The following TEX9 variants were observed in gnomAD, a reference collection of about 807,000 sequenced individuals.
TEX9 encodes the protein testis-expressed protein 9.
TEX9 carries 74 observed loss-of-function variants against 59.6 expected under a neutral mutation model. The observed-to-expected ratio is 1.24, with a 90% confidence interval of 1.03 to 1.51. The LOEUF is 1.51. Ranked by LOEUF, TEX9 falls within the 40% of genes most tolerant of loss-of-function variation. The probability of loss-of-function intolerance (pLI) is 0.00; values close to 1 mark genes in which losing one functional copy is unlikely to be tolerated. For missense variants in TEX9, 522 were observed against 447.8 expected, an observed-to-expected ratio of 1.17 and a Z score of -1.49; for synonymous variants, 186 against 152.2, an observed-to-expected ratio of 1.22 and a Z score of -1.64.
chr15:56,303,304 A>G (rs2045404038), intron 1 of TEX9, among the ~76,000 whole-genome samples: 1 of 152,218 alleles, frequency 6.6e-6, no homozygotes, highest in African/African-American at 2.4e-5. Flanking sequence ...ACCATATGTT[A>G]GGCCACAAAA....
At chr15:56,406,121 A>G (rs574075931) in intron 9 of TEX9, among the ~76,000 whole-genome samples, 1 of 152,234 alleles carries the variant, frequency 6.6e-6, no homozygotes, top group East Asian at 1.9e-4. Flanking sequence ...CCAACCTCTA[A>G]CTATGGCACC....
chr15:56,356,259 G>A (rs1037314962), intron 1 of TEX9, among the ~76,000 whole-genome samples: 6 of 152,104 alleles, frequency 3.9e-5, no homozygotes, highest in Non-Finnish European at 8.8e-5. Context: ...AATGTTAGAT[G>A]TAGGGTTTTT....
chr15:56,424,319 T>C (rs1392075710), intron 10 of TEX9, among the ~76,000 whole-genome samples: 1 of 152,204 alleles, frequency 6.6e-6, no homozygotes, highest in African/African-American at 2.4e-5. Flanking sequence ...TGTGTTCTTT[T>C]GGTTACAAAA....
intron 10 of TEX9, among the ~76,000 whole-genome samples, chr15:56,418,066 G>A (rs534343631): frequency 6.6e-6 from 1 of 151,920 alleles, no homozygotes; most frequent in East Asian, 1.9e-4. Flanking sequence ...GAGCCTATGA[G>A]AGTCATTAAA....
At chr15:56,365,936 C>G in intron 2 of TEX9, 1 of 1,266,356 alleles carries the variant, frequency 7.9e-7, no homozygotes. Flanking sequence ...AAGTAAACAG[C>G]AAGATACTGT....
intron 1 of TEX9, among the ~76,000 whole-genome samples, chr15:56,296,928 A>T (rs1271287042): frequency 2.0e-5 from 3 of 152,136 alleles, no homozygotes; most frequent in Non-Finnish European, 2.9e-5. Context: ...TTGAACGTAG[A>T]TGTTAATCCA....
At chr15:56,353,504 A>G (rs2046625150) in intron 1 of TEX9, among the ~76,000 whole-genome samples, 1 of 152,216 alleles carries the variant, frequency 6.6e-6, no homozygotes, top group Non-Finnish European at 1.5e-5. Context: ...CAGCTTTCTG[A>G]GTTGTGAATA....
chr15:56,335,374 T>C (rs2046238723), intron 1 of TEX9, among the ~76,000 whole-genome samples: 1 of 152,122 alleles, frequency 6.6e-6, no homozygotes, highest in African/African-American at 2.4e-5. Flanking sequence ...TGGAGGTCAT[T>C]ATATTAAGTG....
At chr15:56,286,917 C>A (rs1596066460) in intron 1 of TEX9, among the ~76,000 whole-genome samples, 1 of 152,028 alleles carries the variant, frequency 6.6e-6, no homozygotes, top group East Asian at 1.9e-4. Flanking sequence ...TCTACTGAGG[C>A]AGAGGCAGAT....
intron 9 of TEX9, 83 bp from the exon 10 acceptor site, chr15:56,412,219 T>C: frequency 7.6e-7 from 1 of 1,310,266 alleles, no homozygotes; most frequent in Non-Finnish European, 1.0e-6. Flanking sequence ...GCAAGGAATA[T>C]GGATATGGAA....
intron 1 of TEX9, among the ~76,000 whole-genome samples, chr15:56,316,112 C>CA (rs2045752931): frequency 6.8e-6 from 1 of 147,210 alleles, no homozygotes; most frequent in Non-Finnish European, 1.5e-5. Context: ...TCCCGTAGCT[C>CA]AGAGTAATTT....
intron 9 of TEX9, among the ~76,000 whole-genome samples, chr15:56,405,616 C>T (rs2049041286): frequency 6.6e-6 from 1 of 152,208 alleles, no homozygotes; most frequent in Middle Eastern, 3.4e-3. Flanking sequence ...CTGAACTTTC[C>T]AGCTTGCATC....
At chr15:56,459,358 T>A in the TEX9 span, among the ~76,000 whole-genome samples, 4 of 152,232 alleles carry the variant, frequency 2.6e-5, no homozygotes, top group Non-Finnish European at 5.9e-5. Context: ...TATCCATTTA[T>A]CAGCTGACTG....
chr15:56,407,142 G>C (rs1266841853), intron 9 of TEX9, among the ~76,000 whole-genome samples: 1 of 151,860 alleles, frequency 6.6e-6, no homozygotes, highest in African/African-American at 2.4e-5. Context: ...TCTATTTCAA[G>C]TTCATTTTGT....
intron 1 of TEX9, among the ~76,000 whole-genome samples, chr15:56,338,423 T>C (rs1723306656): frequency 6.6e-6 from 1 of 152,216 alleles, no homozygotes; most frequent in Admixed American, 6.5e-5. Flanking sequence ...TGGTGCAGTA[T>C]ATGATAGGAC....
intron 4 of TEX9, among the ~76,000 whole-genome samples, chr15:56,384,477 A>G (rs1316624959): frequency 2.6e-5 from 4 of 152,156 alleles, no homozygotes; most frequent in East Asian, 1.9e-4. Flanking sequence ...AATTGGTAAA[A>G]TCTCCTAGCC....
exon 1 of TEX9, chr15:56,365,457 G>A (rs1567099862): frequency 6.2e-7 from 1 of 1,611,294 alleles, no homozygotes. Flanking sequence ...GAAGATGGCG[G>A]GGCGAAGTCT....
chr15:56,386,149 CAT>C (rs1361174337), intron 4 of TEX9, among the ~76,000 whole-genome samples: 2 of 151,958 alleles, frequency 1.3e-5, no homozygotes, highest in African/African-American at 4.8e-5. Context: ...AGAATAACAA[CAT>C]AGTTGCTAAG....
chr15:56,348,338 A>G (rs1596108107), intron 1 of TEX9, among the ~76,000 whole-genome samples: 1 of 152,190 alleles, frequency 6.6e-6, no homozygotes, highest in Non-Finnish European at 1.5e-5. Context: ...AGGAATCAGG[A>G]TAATTGAGAT....
Sources: gnomAD v4.1 joint callset for allele counts (sites outside exome capture counted in the v4.1 genomes callset) on GRCh38, gnomAD v4.1.1 for gene constraint, MANE v1.5 for transcripts, NCBI Gene and HGNC (gene_info 2026-07-23, HGNC 2026-07-21) for gene names.